PPP1R12A: variants seen among roughly 807,000 people sequenced by gnomAD.
PPP1R12A encodes protein phosphatase 1 regulatory subunit 12A, also known as myosin binding subunit.
PPP1R12A carries 19 observed loss-of-function variants against 139.6 expected under a neutral mutation model. The observed-to-expected ratio is 0.14, with a 90% confidence interval of 0.09 to 0.20. The LOEUF (loss-of-function observed/expected upper bound fraction) is 0.20, where lower values mean the gene tolerates loss of function less well. Ranked by LOEUF, PPP1R12A falls within the 10% of genes least tolerant of loss-of-function variation. The pLI is 1.00. For synonymous variants in PPP1R12A, 427 were observed against 420.6 expected, an observed-to-expected ratio of 1.02 and a Z score of -0.19; for missense variants, 925 against 1,211.5, an observed-to-expected ratio of 0.76 and a Z score of 3.51.
intron 2 of PPP1R12A, among the ~76,000 whole-genome samples, chr12:79,865,447 T>C (rs538384019): frequency 9.2e-5 from 14 of 152,318 alleles, no homozygotes; most frequent in South Asian, 6.2e-4. Context: ...CTTTTCAACA[T>C]AGTATTGGAA....
intron 3 of PPP1R12A, among the ~76,000 whole-genome samples, chr12:79,837,235 G>A (rs1347820973): frequency 1.3e-5 from 2 of 151,924 alleles, no homozygotes; most frequent in Non-Finnish European, 2.9e-5. Context: ...ACTAACATCT[G>A]TCACTATGAT....
rs144327556 is a variant in PPP1R12A, at chr12:79,793,832, A to G, written c.2649+31T>C. ...AAAGTAATTATTAAAAAATATGAAT[A>G]CTTCTCAATACAAAAAGTAATGGTA... On this transcript the variant is annotated intron_variant, in intron 19 of 24. Transcript: ENST00000450142. The G allele has an allele frequency of 3.7e-5, 54 of 1,475,212 alleles. No homozygotes were observed. The African/African-American group carries it at 7.2e-4, about 20-fold the overall frequency. 91.4% of individuals were successfully genotyped at this position (1,475,212 alleles called of 1,614,324 possible). A position where few individuals can be genotyped will look rare whatever the true frequency, so the allele number is the denominator to read the frequency against.
intron 1 of PPP1R12A, among the ~76,000 whole-genome samples, chr12:79,929,398 T>G (rs1347813171): frequency 6.6e-6 from 1 of 152,306 alleles, no homozygotes; most frequent in East Asian, 1.9e-4. Flanking sequence ...GTGACTCAAC[T>G]GGATATAATA....
chr12:79,878,893 T>C (rs572253792), intron 1 of PPP1R12A, among the ~76,000 whole-genome samples: 23 of 152,060 alleles, frequency 1.5e-4, no homozygotes, highest in African/African-American at 4.1e-4. Context: ...AGCCAAAACA[T>C]CAACTTTACT....
At chr12:79,925,279 T>C (rs1272548796) in intron 1 of PPP1R12A, among the ~76,000 whole-genome samples, 1 of 152,148 alleles carries the variant, frequency 6.6e-6, no homozygotes, top group African/African-American at 2.4e-5. Context: ...TGTGTGTGTG[T>C]GTAACAGTCC....
intron 2 of PPP1R12A, among the ~76,000 whole-genome samples, chr12:79,854,670 T>C (rs1880423063): frequency 1.3e-5 from 2 of 152,178 alleles, no homozygotes; most frequent in Non-Finnish European, 1.5e-5. Context: ...TTTATTTTTT[T>C]TTGACTTTTT....
chr12:79,935,079 C>T lies in PPP1R12A; in HGVS notation c.-148G>A. On this transcript the variant is annotated 5_prime_UTR_variant, in exon 1 of 25. Coordinates refer to ENST00000450142, the MANE Select transcript of PPP1R12A (RefSeq NM_002480.3). The stretch of plus-strand genomic sequence containing the variant: ...ACCCGGAGCCGACGCTCGAGACTTC[C>T]AGTATCCCACAGAGCACTGGGGCGG... 7.1e-7 allele frequency: 1 copy of T among 1,404,414 alleles called. No individual in the cohort carries two copies. Among genetic ancestry groups the T allele is most frequent in the Admixed American group, 3.1e-5 (1 of 31,850 alleles). The allele number at this position is 1,404,414 out of a possible 1,614,324, so 87.0% of individuals were successfully genotyped here.
In PPP1R12A at chr12:79,841,092, C is replaced by T. The variant is rs114040414; in HGVS notation, c.487+4210G>A. Among the ~76,000 whole-genome samples the T allele has an allele frequency of 7.9e-3, 1,197 of 151,036 alleles. 15 individuals carry two copies. Among genetic ancestry groups the T allele is most frequent in the African/African-American group, 0.027 (1,100 of 41,138 alleles). Reference sequence around the variant, plus strand: ...AAAGAGAGAGAGAGAGAGACAAGGTCTCACTCTGTTGTCCAGGCTGGAGTG... The same window carrying T: ...AAAGAGAGAGAGAGAGAGACAAGGTTTCACTCTGTTGTCCAGGCTGGAGTG... On this transcript the variant is annotated intron_variant, in intron 3 of 24. Coordinates refer to ENST00000450142, the MANE Select transcript of PPP1R12A (RefSeq NM_002480.3).
chr12:79,821,267 A>G (rs1876062773), intron 6 of PPP1R12A, 101 bp from the exon 7 acceptor site: 2 of 758,128 alleles, frequency 2.6e-6, no homozygotes, highest in African/African-American at 3.5e-5. Context: ...TCAGACATTA[A>G]ATAAGACAAA....
chr12:79,856,887 G>A (rs2137262757), intron 2 of PPP1R12A, among the ~76,000 whole-genome samples: 1 of 152,334 alleles, frequency 6.6e-6, no homozygotes, highest in Non-Finnish European at 1.5e-5. Context: ...CCTATTAGCA[G>A]CAATGTTTAG....
intron 1 of PPP1R12A, among the ~76,000 whole-genome samples, chr12:79,879,818 T>C (rs75607606): frequency 1.0e-3 from 156 of 152,082 alleles, no homozygotes; most frequent in Middle Eastern, 3.4e-3. Flanking sequence ...CACTGAATTG[T>C]ATACTTAAGA....
At chr12:79,781,594 G>C (rs1394305743) in intron 23 of PPP1R12A, among the ~76,000 whole-genome samples, 1 of 151,848 alleles carries the variant, frequency 6.6e-6, no homozygotes, top group Non-Finnish European at 1.5e-5. Context: ...TTCATTAAAA[G>C]AATTATGTGG....
chr12:79,844,201 G>A (rs1879122265), intron 3 of PPP1R12A, among the ~76,000 whole-genome samples: 1 of 152,008 alleles, frequency 6.6e-6, no homozygotes, highest in Admixed American at 6.6e-5. Context: ...GTGCCCGTTA[G>A]CAATCACTGT....
rs780455455 is a variant in PPP1R12A at position 79,776,010 on chromosome 12, T to C, written c.3012A>G (p.Leu1004=). ...ISEMEEELKM[L]PDLKADNQRL... is the part of the protein sequence containing the mutation. The stretch of plus-strand genomic sequence containing the variant: ...TCTGGTTGTCTGCTTTTAGGTCTGG[T>C]AACATCTATAAAGAGAAAAATTGAA... The change falls in exon 25 of 25, where the codon TTA becomes TTG. Residue 1004 remains leucine (L), a synonymous_variant. Transcript: ENST00000450142. 1.3e-6 allele frequency: 2 copies of C among 1,581,254 alleles called. No individual in the cohort carries two copies. The highest frequency in any genetic ancestry group is 1.7e-4 in the Middle Eastern group (1 of 6,006).
At chr12:79,925,399 G>C (rs1306479452) in intron 1 of PPP1R12A, among the ~76,000 whole-genome samples, 3 of 152,086 alleles carry the variant, frequency 2.0e-5, no homozygotes, top group Non-Finnish European at 4.4e-5. Flanking sequence ...AATGACATGA[G>C]CTTTGTACAA....
intron 3 of PPP1R12A, among the ~76,000 whole-genome samples, chr12:79,839,155 T>C (rs1046561378): frequency 2.6e-5 from 4 of 152,236 alleles, no homozygotes; most frequent in African/African-American, 9.6e-5. Flanking sequence ...TTTGGAACTT[T>C]AATGTTTAAT....
chr12:79,868,875 C>A (rs953974526), intron 2 of PPP1R12A, among the ~76,000 whole-genome samples: 1 of 152,154 alleles, frequency 6.6e-6, no homozygotes, highest in Non-Finnish European at 1.5e-5. Flanking sequence ...ATTTTAGTAC[C>A]TGACCTGATA....
intron 3 of PPP1R12A, among the ~76,000 whole-genome samples, chr12:79,844,685 A>G (rs1046433134): frequency 6.6e-6 from 1 of 152,200 alleles, no homozygotes; most frequent in Non-Finnish European, 1.5e-5. Context: ...CCTCTGCCTC[A>G]ATCCCTCCAT....
At chr12:79,799,000 T>G (rs1872780380) in intron 14 of PPP1R12A, among the ~76,000 whole-genome samples, 1 of 152,194 alleles carries the variant, frequency 6.6e-6, no homozygotes, top group South Asian at 2.1e-4. Context: ...GAAGGTCCTC[T>G]TCTCCAGCCC....
Sources: allele counts gnomAD v4.1 joint callset (sites outside exome capture counted in the v4.1 genomes callset), GRCh38; gene constraint gnomAD v4.1.1; transcripts MANE v1.5; gene names NCBI Gene and HGNC (gene_info 2026-07-23, HGNC 2026-07-21).